DMC1: variants seen among roughly 807,000 people sequenced by gnomAD.
The protein encoded by DMC1 is DNA meiotic recombinase 1, also known as meiotic recombination protein DMC1 homolog.
Under a neutral mutation model 50.1 loss-of-function variants are expected in DMC1, and 27 were observed. The ratio of observed to expected loss-of-function variants is 0.54; its 90% CI spans 0.40 to 0.74. DMC1 has a LOEUF of 0.74. Ranked by LOEUF, DMC1 falls within the 30% of genes least tolerant of loss-of-function variation. DMC1 has a pLI of 0.00. For missense variants in DMC1, 295 were observed against 420.2 expected, an observed-to-expected ratio of 0.70 and a Z score of 2.60; for synonymous variants, 148 against 136.1, an observed-to-expected ratio of 1.09 and a Z score of -0.61.
intron 4 of DMC1, 122 bp downstream of exon 4, chr22:38,566,468 T>C: frequency 9.8e-7 from 1 of 1,025,076 alleles, no homozygotes; most frequent in Non-Finnish European, 1.5e-6. Context: ...ACATGGGGAG[T>C]ATAATATACT....
intron 8 of DMC1, among the ~76,000 whole-genome samples, chr22:38,548,211 C>T (rs1379872220): frequency 6.6e-6 from 1 of 152,106 alleles, no homozygotes; most frequent in Admixed American, 6.6e-5. Flanking sequence ...CTGGGCCTAC[C>T]CCTTTCTCAA....
intron 12 of DMC1, among the ~76,000 whole-genome samples, chr22:38,535,010 A>G (rs1474256832): frequency 6.6e-6 from 1 of 151,512 alleles, no homozygotes; most frequent in African/African-American, 2.4e-5. Context: ...CCATCTAAAA[A>G]AAAAAGAGGC....
chr22:38,538,507 G>C, intron 10 of DMC1, 32 bp downstream of exon 10: 1 of 1,607,086 alleles, frequency 6.2e-7, no homozygotes, highest in Non-Finnish European at 8.5e-7. Context: ...ATGCTAAATA[G>C]CTCTGTGAAA....
At chr22:38,568,323 T>A in intron 1 of DMC1, 34 bp from the exon 2 acceptor site, 1 of 1,523,010 alleles carries the variant, frequency 6.6e-7, no homozygotes, top group Non-Finnish European at 9.1e-7. Context: ...TAAGAAGTAG[T>A]CCTTTGTCCA....
At chr22:38,513,728 C>T in the DMC1 span, among the ~76,000 whole-genome samples, 1 of 152,090 alleles carries the variant, frequency 6.6e-6, no homozygotes, top group Non-Finnish European at 1.5e-5. Flanking sequence ...CAGGTGCGCA[C>T]CACCAAACCC....
At chr22:38,557,957 T>TTTTTTTTTG in intron 5 of DMC1, among the ~76,000 whole-genome samples, 1 of 88,240 alleles carries the variant, frequency 1.1e-5, no homozygotes, top group African/African-American at 5.6e-5. Context: ...GACAAAGTTC[T>TTTTTTTTTG]TTTTTTTTTT....
chr22:38,544,651 G>C (rs1264209612), intron 8 of DMC1, among the ~76,000 whole-genome samples: 1 of 147,692 alleles, frequency 6.8e-6, no homozygotes, highest in Admixed American at 6.8e-5. Context: ...TTTTGAGACA[G>C]AGTCTTGCTC....
rs1206567473 is a variant in DMC1, at chr22:38,568,342, T to G, written c.-33-53A>C. 7 of 1,346,628 alleles carry G rather than the reference T, an allele frequency of 5.2e-6. No homozygotes were observed. The African/African-American group carries it at 1.0e-4, about 19-fold the overall frequency. 83.4% of individuals were successfully genotyped at this position (1,346,628 alleles called of 1,614,324 possible). On this transcript the variant is annotated intron_variant, in intron 1 of 13. Transcript: ENST00000216024. ...AAGTAGTCCTTTGTCCAGGGGCCTC[T>G]GATTTCATTTCAAAGTCAACAAGGA... is the stretch of plus-strand genomic sequence containing the variant.
chr22:38,510,468 A>C, the DMC1 span, among the ~76,000 whole-genome samples: 1 of 152,136 alleles, frequency 6.6e-6, no homozygotes, highest in Non-Finnish European at 1.5e-5. Context: ...AAAGACAGAA[A>C]AAAGAGAAGT....
intron 8 of DMC1, among the ~76,000 whole-genome samples, chr22:38,542,470 T>C (rs992099490): frequency 2.6e-5 from 4 of 152,028 alleles, no homozygotes; most frequent in African/African-American, 9.7e-5. Flanking sequence ...CAAATAAAAT[T>C]AAAGACCTAG....
intron 8 of DMC1, among the ~76,000 whole-genome samples, chr22:38,543,711 CT>C (rs1236213074): frequency 5.3e-5 from 8 of 152,180 alleles, no homozygotes; most frequent in South Asian, 2.1e-4. Context: ...TAGTTTACAT[CT>C]GTTCCCCTGG....
At chr22:38,523,277 CA>C (rs1027466514) in intron 12 of DMC1, among the ~76,000 whole-genome samples, 98 of 152,270 alleles carry the variant, frequency 6.4e-4, no homozygotes, top group African/African-American at 2.1e-3. Flanking sequence ...AAAGCCTTCT[CA>C]GTTGGATAAA....
chr22:38,552,735 A>T, intron 6 of DMC1, 28 bp from the exon 7 acceptor site: 1 of 1,434,550 alleles, frequency 7.0e-7, no homozygotes, highest in Non-Finnish European at 9.8e-7. Context: ...AAATGATTTT[A>T]AAAATGCATA....
Position 38,570,174 on chromosome 22 carries a change from AG to A in DMC1, c.-166del, listed in dbSNP as rs1367927973. 1.4e-5 allele frequency: 2 copies of A among 147,792 alleles called. No homozygotes were observed. The highest frequency in any genetic ancestry group is 1.4e-4 in the Admixed American group (2 of 14,806). 9.2% of individuals were successfully genotyped at this position (147,792 alleles called of 1,614,324 possible). ...TGGAGACCCGCGCGCCGTTGACCAC[AG>A]GGTTTGGCGCCAAACGAGGAGGGCG... On this transcript the variant is annotated 5_prime_UTR_variant, in exon 1 of 14. Transcript: ENST00000216024.
At chr22:38,515,925 G>A (rs760533851), downstream of DMC1, among the ~76,000 whole-genome samples, 17 of 152,162 alleles carry the variant, frequency 1.1e-4, no homozygotes, top group Admixed American at 2.6e-4. Context: ...TCTGGTAACA[G>A]TATGTTTCTG....
intron 12 of DMC1, among the ~76,000 whole-genome samples, chr22:38,524,784 A>G (rs1332931829): frequency 6.6e-6 from 1 of 152,130 alleles, no homozygotes; most frequent in Non-Finnish European, 1.5e-5. Flanking sequence ...GTATTCTTTT[A>G]TTAAAGCACA....
chr22:38,530,797 T>A (rs2090144183), intron 12 of DMC1, among the ~76,000 whole-genome samples: 1 of 151,890 alleles, frequency 6.6e-6, no homozygotes. Context: ...AGGACGGGTG[T>A]GGTGGCTCAC....
intron 8 of DMC1, among the ~76,000 whole-genome samples, chr22:38,539,655 T>C (rs536834817): frequency 2.0e-5 from 3 of 152,298 alleles, no homozygotes; most frequent in Non-Finnish European, 4.4e-5. Context: ...ACTTTAACTA[T>C]TAAATTATCA....
chr22:38,554,014 C>T (rs2090442923), intron 6 of DMC1, among the ~76,000 whole-genome samples: 1 of 150,476 alleles, frequency 6.6e-6, no homozygotes, highest in African/African-American at 2.5e-5. Flanking sequence ...TGCCTGTAAT[C>T]CCAGCTACAC....
Sources: gnomAD v4.1 joint callset for allele counts (sites outside exome capture counted in the v4.1 genomes callset) on GRCh38, gnomAD v4.1.1 for gene constraint, MANE v1.5 for transcripts, NCBI Gene and HGNC (gene_info 2026-07-23, HGNC 2026-07-21) for gene names.